The following ADH7 variants were observed in gnomAD, a reference collection of about 807,000 sequenced individuals.
ADH7 encodes the protein all-trans-retinol dehydrogenase [NAD(+)] ADH7.
ADH7 carries 41 observed loss-of-function variants against 34.4 expected under a neutral mutation model. The ratio of observed to expected loss-of-function variants is 1.19; its 90% confidence interval spans 0.93 to 1.55. The LOEUF (loss-of-function observed/expected upper bound fraction) is 1.55. Ranked by LOEUF, ADH7 falls within the 40% of genes most tolerant of loss-of-function variation. ADH7 has a pLI of 0.00. For missense variants in ADH7, 540 were observed against 461.2 expected (o/e 1.17, Z -1.56); for synonymous variants, 180 against 160.9 (o/e 1.12, Z -0.90).
chr4:99,420,827 G>A (rs1188064360), intron 5 of ADH7, 34 bp from the exon 6 acceptor site: 1 of 1,600,746 alleles, frequency 6.2e-7, no homozygotes, highest in African/African-American at 1.3e-5. Flanking sequence ...CATGTTAGGT[G>A]TTAGGGTCAA....
chr4:99,435,028 C>G (rs747393039), intron 1 of ADH7, 188 bp downstream of exon 1: 3 of 1,539,896 alleles, frequency 1.9e-6, no homozygotes, highest in Non-Finnish European at 2.6e-6. Flanking sequence ...CCAACTTACC[C>G]CTGCTTCCAC....
intron 5 of ADH7, among the ~76,000 whole-genome samples, chr4:99,424,420 T>G (rs1261463052): frequency 6.6e-6 from 1 of 152,196 alleles, no homozygotes; most frequent in Non-Finnish European, 1.5e-5. Context: ...GTGAAGAAAG[T>G]CATTGGTAGC....
chr4:99,415,036 T>A (rs186874129), intron 8 of ADH7, among the ~76,000 whole-genome samples: 41 of 152,256 alleles, frequency 2.7e-4, no homozygotes, highest in African/African-American at 9.1e-4. Flanking sequence ...AGAGACCAGG[T>A]GGAGGTAATT....
At chr4:99,421,591 G>A in intron 5 of ADH7, among the ~76,000 whole-genome samples, 1 of 152,086 alleles carries the variant, frequency 6.6e-6, no homozygotes, top group East Asian at 1.9e-4. Context: ...TTAGACATAG[G>A]CAAAGACTTC....
rs1721498012 is a variant in ADH7, at chr4:99,415,568, G to A, written c.1010C>T (p.Ala337Val). The change falls in exon 8 of 9, where the codon GCA becomes GTA. Residue 337 changes from alanine (A) to valine (V), a missense_variant. Transcript: ENST00000437033. ...CAACTGGTCCAGGTCAAATTTCTTT[G>A]CCAGGAACTCAGTCACTAGTTTTGG... ...DVPKLVTEFL[A>V]KKFDLDQLIT... 1.2e-6 allele frequency: 2 copies of A among 1,613,346 alleles called. No homozygotes were observed. The highest frequency in any genetic ancestry group is 1.7e-6 in the Non-Finnish European group (2 of 1,179,592).
Position 99,415,635 on chromosome 4 carries a change from T to G in ADH7, c.962-19A>C. 6.2e-7 allele frequency: 1 copy of G among 1,609,684 alleles called. No individual in the cohort carries two copies. The highest frequency in any genetic ancestry group is 8.5e-7 in the Non-Finnish European group (1 of 1,177,732). On this transcript the variant is annotated intron_variant, in intron 7 of 8. Coordinates refer to ENST00000437033, the MANE Select transcript of ADH7 (RefSeq NM_000673.7). The stretch of plus-strand genomic sequence containing the variant: ...TTCAAACCTGCAAATAAGCACACAT[T>G]TTCTCTTTAGACATTACTAAATAAT...
At chr4:99,416,882 C>T (rs994813836) in intron 7 of ADH7, among the ~76,000 whole-genome samples, 2 of 152,108 alleles carry the variant, frequency 1.3e-5, no homozygotes, top group East Asian at 1.9e-4. Context: ...CCAATCTATT[C>T]CTTCTATAGT....
At chr4:99,426,192 C>A (rs1481658324) in intron 5 of ADH7, among the ~76,000 whole-genome samples, 1 of 151,850 alleles carries the variant, frequency 6.6e-6, no homozygotes, top group African/African-American at 2.4e-5. Flanking sequence ...TAGCAGAAGG[C>A]AAGAAATAAC....
intron 6 of ADH7, 60 bp from the exon 7 acceptor site, chr4:99,419,181 TC>T: frequency 6.4e-7 from 1 of 1,565,574 alleles, no homozygotes; most frequent in East Asian, 2.3e-5. Flanking sequence ...TGACATAAGC[TC>T]TGAAATGACC....
At chr4:99,414,144 C>G (rs368766918) in intron 8 of ADH7, among the ~76,000 whole-genome samples, 7 of 152,132 alleles carry the variant, frequency 4.6e-5, no homozygotes, top group African/African-American at 1.7e-4. Context: ...TCCAAGCAGG[C>G]CATACTAAGC....
chr4:99,415,636 T>C lies in ADH7; in HGVS notation c.962-20A>G, dbSNP rs1721500233. 2 of 1,609,622 alleles carry C rather than the reference T, an allele frequency of 1.2e-6. No individual in the cohort carries two copies. The highest frequency in any genetic ancestry group is 1.7e-6 in the Non-Finnish European group (2 of 1,177,612). On this transcript the variant is annotated intron_variant, in intron 7 of 8. Coordinates refer to ENST00000437033, the MANE Select transcript of ADH7 (RefSeq NM_000673.7). The stretch of plus-strand genomic sequence containing the variant: ...TCAAACCTGCAAATAAGCACACATT[T>C]TCTCTTTAGACATTACTAAATAATC...
chr4:99,423,706 C>T (rs1154462), intron 5 of ADH7, among the ~76,000 whole-genome samples: 41,457 of 152,074 alleles, frequency 0.27, 6,363 homozygotes, highest in Admixed American at 0.37. Context: ...CTGTCCTTTG[C>T]CCACTTTTTG....
intron 6 of ADH7, 131 bp downstream of exon 6, chr4:99,420,402 G>A (rs892378428): frequency 9.2e-6 from 10 of 1,081,812 alleles, no homozygotes; most frequent in African/African-American, 4.8e-5. Flanking sequence ...ATCAGTTTTT[G>A]CCTGAGTAAA....
At chr4:99,419,988 A>G (rs1181060425) in intron 6 of ADH7, among the ~76,000 whole-genome samples, 1 of 152,136 alleles carries the variant, frequency 6.6e-6, no homozygotes. Context: ...TACAGGTCTA[A>G]CTGAAGGTCT....
At chr4:99,418,420 T>C (rs1298484423) in intron 7 of ADH7, among the ~76,000 whole-genome samples, 1 of 152,048 alleles carries the variant, frequency 6.6e-6, no homozygotes, top group Non-Finnish European at 1.5e-5. Flanking sequence ...AAAACGAGAC[T>C]TTGTGAAGGA....
intron 5 of ADH7, among the ~76,000 whole-genome samples, chr4:99,421,608 AAAACACCAAAAGCAATTGCAACAAAAGCC>A (rs1488407660): frequency 6.6e-6 from 1 of 152,244 alleles, no homozygotes; most frequent in African/African-American, 2.4e-5. Context: ...CTTCATGACA[AAAACACCAAAAGCAATTGCAACAAAAGCC>A]AAACTTGACA....
intron 7 of ADH7, 110 bp downstream of exon 7, chr4:99,418,876 C>A: frequency 7.9e-7 from 1 of 1,268,802 alleles, no homozygotes; most frequent in South Asian, 1.5e-5. Flanking sequence ...CATTTTAGAT[C>A]ACTTCATACT....
chr4:99,417,044 C>T (rs1721535847), intron 7 of ADH7, among the ~76,000 whole-genome samples: 1 of 152,044 alleles, frequency 6.6e-6, no homozygotes, highest in South Asian at 2.1e-4. Flanking sequence ...TACTTCTCAC[C>T]AGCCCCATCA....
intron 5 of ADH7, among the ~76,000 whole-genome samples, chr4:99,426,543 G>A (rs193233406): frequency 1.2e-3 from 180 of 152,232 alleles, no homozygotes; most frequent in African/African-American, 4.0e-3. Flanking sequence ...ACCAATAACA[G>A]GATCTGAAAT....
Sources: allele counts gnomAD v4.1 joint callset (sites outside exome capture counted in the v4.1 genomes callset), GRCh38; gene constraint gnomAD v4.1.1; transcripts MANE v1.5; gene names NCBI Gene and HGNC (gene_info 2026-07-23, HGNC 2026-07-21).